The following ZNF670 variants were observed in gnomAD, a reference collection of about 807,000 sequenced individuals.
ZNF670 encodes zinc finger protein 670.
Under a neutral mutation model 10.9 loss-of-function variants are expected in ZNF670, and 7 were observed. The ratio of observed to expected loss-of-function variants is 0.64; its 90% CI spans 0.36 to 1.20. The LOEUF (loss-of-function observed/expected upper bound fraction) is 1.20, where lower values mean the gene tolerates loss of function less well. Among genes scored for constraint, ZNF670 ranks in the 50% most tolerant of loss-of-function variants. The pLI is 0.02. For synonymous variants in ZNF670, 136 were observed against 152.7 expected, an observed-to-expected ratio of 0.89 and a Z score of 0.81; for missense variants, 446 against 458.6, an observed-to-expected ratio of 0.97 and a Z score of 0.25.
chr1:247,061,989 C>A (rs1445757020), intron 1 of ZNF670, among the ~76,000 whole-genome samples: 1 of 152,204 alleles, frequency 6.6e-6, no homozygotes, highest in Admixed American at 6.5e-5. Context: ...TATCATTTAA[C>A]TATTATTTCC....
chr1:247,075,525 G>C (rs60797284), intron 1 of ZNF670, among the ~76,000 whole-genome samples: 40,823 of 151,982 alleles, frequency 0.27, 6,691 homozygotes, highest in African/African-American at 0.46. Context: ...TGGCAGGAAC[G>C]TGGTGGGAGG....
At chr1:247,054,546 A>G (rs1467256982) in intron 1 of ZNF670, among the ~76,000 whole-genome samples, 2 of 152,244 alleles carry the variant, frequency 1.3e-5, no homozygotes, top group African/African-American at 2.4e-5. Context: ...TTCTAGGCCT[A>G]TGCTGGACCA....
In ZNF670 at chr1:247,038,313, T is replaced by C. The variant is rs763924657; in HGVS notation, c.306A>G (p.Pro102=). The C allele has an allele frequency of 1.9e-6, 3 of 1,614,228 alleles. No individual in the cohort carries two copies. The highest frequency in any genetic ancestry group is 4.5e-5 in the East Asian group (2 of 44,878). Residue 102 remains proline (P), a synonymous_variant, in exon 4 of 4, where the codon CCA becomes CCG. Coordinates refer to ENST00000366503, the MANE Select transcript of ZNF670 (RefSeq NM_033213.5). ...LNKKVSTGVK[P]CECSVCGKVF... is the part of the protein sequence containing the mutation. ...CTTTTCCACACACACTGCATTCACA[T>C]GGCTTTACTCCAGTAGAAACTTTCT...
intron 1 of ZNF670, among the ~76,000 whole-genome samples, chr1:247,045,561 T>A (rs542472568): frequency 6.6e-6 from 1 of 152,154 alleles, no homozygotes; most frequent in South Asian, 2.1e-4. Context: ...CAGCTGCCGG[T>A]GCCATGCTTG....
intron 1 of ZNF670, chr1:247,043,432 C>A: frequency 1.7e-6 from 1 of 595,618 alleles, no homozygotes; most frequent in East Asian, 4.7e-5. Flanking sequence ...GTCAGAAAAT[C>A]TATAAACATA....
In ZNF670 at chr1:247,078,700, A is replaced by G; in HGVS notation, c.-104T>C. On this transcript the variant is annotated 5_prime_UTR_variant, in exon 1 of 4. Coordinates refer to ENST00000366503, the MANE Select transcript of ZNF670 (RefSeq NM_033213.5). Reference sequence around the variant, plus strand: ...GGGACCACTTGGACCTCCCAGGGATAAGGGGAAGGAGCAGCGGAGACGCAC... The same window carrying G: ...GGGACCACTTGGACCTCCCAGGGATGAGGGGAAGGAGCAGCGGAGACGCAC... 1 of 1,311,070 alleles carries G rather than the reference A, an allele frequency of 7.6e-7. No individual in the cohort carries two copies. The allele number at this position is 1,311,070 out of a possible 1,614,324, so 81.2% of individuals were successfully genotyped here. A position where few individuals can be genotyped will look rare whatever the true frequency, so the allele number is the denominator to read the frequency against.
chr1:247,038,852 T>C lies in ZNF670; in HGVS notation c.149A>G (p.Gln50Arg). The C allele has an allele frequency of 1.9e-6, 3 of 1,612,854 alleles. No homozygotes were observed. The South Asian group carries it at 3.3e-5, about 18-fold the overall frequency. The stretch of plus-strand genomic sequence containing the variant: ...ATTTTTGAAGTCATCTTGGATATTC[T>C]GGTCTTCTGATTTGTTTCCTAAAAG... ...LASVGNKSED[Q>R]NIQDDFKNPG... The change falls in exon 3 of 4, where the codon CAG (glutamine) becomes CGG (arginine). Residue 50 changes from glutamine to arginine, a missense_variant. Coordinates refer to ENST00000366503, the MANE Select transcript of ZNF670 (RefSeq NM_033213.5).
At chr1:247,072,800 GTGTGTATA>G (rs1482081560) in intron 1 of ZNF670, among the ~76,000 whole-genome samples, 2 of 20,968 alleles carry the variant, frequency 9.5e-5, no homozygotes, top group Non-Finnish European at 1.6e-4. Context: ...AAAAAAAAGT[GTGTGTATA>G]TATATATATA....
chr1:247,066,440 G>A (rs1299010724), intron 1 of ZNF670, among the ~76,000 whole-genome samples: 1 of 152,188 alleles, frequency 6.6e-6, no homozygotes, highest in East Asian at 1.9e-4. Flanking sequence ...GACAAAGACA[G>A]GATTCTTAGC....
chr1:247,061,727 A>G (rs1284075676), intron 1 of ZNF670, among the ~76,000 whole-genome samples: 2 of 152,190 alleles, frequency 1.3e-5, no homozygotes, highest in Non-Finnish European at 2.9e-5. Flanking sequence ...ACTACTTCTG[A>G]AAAGTGAAAG....
chr1:247,052,410 G>C (rs1374163635), intron 1 of ZNF670, among the ~76,000 whole-genome samples: 1 of 152,100 alleles, frequency 6.6e-6, no homozygotes, highest in African/African-American at 2.4e-5. Flanking sequence ...CTGGTACTGG[G>C]GAGTGTCTGC....
chr1:247,046,498 G>T (rs1670451859), intron 1 of ZNF670, among the ~76,000 whole-genome samples: 1 of 152,214 alleles, frequency 6.6e-6, no homozygotes, highest in Non-Finnish European at 1.5e-5. Flanking sequence ...AGCCTTGGAG[G>T]CTTCCGCTTA....
At position 247,062,574 on chromosome 1, in the gene ZNF670, G is replaced by A. The variant is rs1461434694; in HGVS notation, c.3+16020C>T. ...TGGAACACAGTTATGCTGAAACGTCGTCAGGCCATCCTGACATGTGGAATG... is the reference window on the plus strand; with the variant it reads ...TGGAACACAGTTATGCTGAAACGTCATCAGGCCATCCTGACATGTGGAATG... On this transcript the variant is annotated intron_variant, in intron 1 of 3. Transcript: ENST00000366503. 5.3e-5 allele frequency among the ~76,000 whole-genome samples: 8 copies of A among 152,224 alleles called. No individual in the cohort carries two copies. In the East Asian group the frequency reaches 5.8e-4, roughly 11 times the overall value.
intron 1 of ZNF670, among the ~76,000 whole-genome samples, chr1:247,053,294 C>T (rs1490227402): frequency 2.6e-5 from 4 of 152,216 alleles, no homozygotes; most frequent in Middle Eastern, 3.4e-3. Context: ...TCCCTTTCAT[C>T]GACCCCCAGA....
intron 1 of ZNF670, 63 bp from the exon 2 acceptor site, chr1:247,039,600 C>T: frequency 1.4e-6 from 2 of 1,415,436 alleles, no homozygotes; most frequent in Non-Finnish European, 1.9e-6. Context: ...AGAATCTATA[C>T]TCATCTCATA....
chr1:247,051,157 A>T (rs865839533), intron 1 of ZNF670, among the ~76,000 whole-genome samples: 7 of 151,850 alleles, frequency 4.6e-5, no homozygotes, highest in African/African-American at 1.7e-4. Flanking sequence ...AAATACAAAA[A>T]ATTAGCCGGG....
intron 1 of ZNF670, among the ~76,000 whole-genome samples, chr1:247,052,306 G>A (rs970686033): frequency 5.3e-5 from 8 of 152,070 alleles, no homozygotes; most frequent in East Asian, 1.9e-4. Flanking sequence ...TGCCCTCCCC[G>A]TTTCCCTAGG....
At chr1:247,067,656 AACGG>A in intron 1 of ZNF670, among the ~76,000 whole-genome samples, 2 of 148,690 alleles carry the variant, frequency 1.3e-5, no homozygotes, top group Non-Finnish European at 3.0e-5. Flanking sequence ...TCCCGGCTAA[AACGG>A]TGAAACCCCG....
chr1:247,071,487 G>C (rs1671112827), intron 1 of ZNF670, among the ~76,000 whole-genome samples: 1 of 152,216 alleles, frequency 6.6e-6, no homozygotes. Context: ...GGTGAAAATA[G>C]GGTGAGGGTC....
Sources: allele counts gnomAD v4.1 joint callset (sites outside exome capture counted in the v4.1 genomes callset), GRCh38; gene constraint gnomAD v4.1.1; transcripts MANE v1.5; gene names NCBI Gene and HGNC (gene_info 2026-07-23, HGNC 2026-07-21).